The following ZDHHC20 variants were observed in gnomAD, a reference collection of about 807,000 sequenced individuals.
ZDHHC20 encodes the protein palmitoyltransferase ZDHHC20.
Under a neutral mutation model 57.8 loss-of-function variants are expected in ZDHHC20, and 43 were observed. The observed-to-expected ratio is 0.74, with a 90% CI of 0.58 to 0.96. The LOEUF is 0.96. Among genes scored for constraint, ZDHHC20 ranks in the 40% least tolerant of loss-of-function variants. ZDHHC20 has a pLI of 0.00. For synonymous variants in ZDHHC20, 157 were observed against 153.0 expected, an observed-to-expected ratio of 1.03 and a Z score of -0.19; for missense variants, 391 against 441.1, an observed-to-expected ratio of 0.89 and a Z score of 1.02.
At chr13:21,415,415 T>A (rs972189172) in intron 3 of ZDHHC20, among the ~76,000 whole-genome samples, 1 of 152,170 alleles carries the variant, frequency 6.6e-6, no homozygotes, top group Non-Finnish European at 1.5e-5. Context: ...CAAAGTGTGA[T>A]GGGACAAGAA....
intron 1 of ZDHHC20, among the ~76,000 whole-genome samples, chr13:21,428,527 T>C (rs1275946063): frequency 6.6e-6 from 1 of 151,698 alleles, no homozygotes; most frequent in Non-Finnish European, 1.5e-5. Context: ...GCCCAAACTA[T>C]GTTTTTTAAA....
At chr13:21,381,352 T>C (rs1164373720) in intron 11 of ZDHHC20, 82 bp downstream of exon 11, 1 of 1,103,744 alleles carries the variant, frequency 9.1e-7, no homozygotes, top group Non-Finnish European at 1.3e-6. Flanking sequence ...AATGTTACAT[T>C]ATTTTGATTT....
chr13:21,378,823 C>T (rs1872723065), intron 11 of ZDHHC20, 85 bp from the exon 12 acceptor site: 13 of 683,454 alleles, frequency 1.9e-5, no homozygotes, highest in Non-Finnish European at 2.6e-5. Flanking sequence ...AAAATGACAG[C>T]AAAAATGACT....
intron 1 of ZDHHC20, among the ~76,000 whole-genome samples, chr13:21,445,108 TTATA>T (rs1288147811): frequency 6.6e-6 from 1 of 151,218 alleles, no homozygotes; most frequent in Admixed American, 6.6e-5. Flanking sequence ...TTTTATATAT[TTATA>T]TATATATATG....
At chr13:21,449,232 AAAAT>A (rs1260749214) in intron 1 of ZDHHC20, among the ~76,000 whole-genome samples, 1 of 152,166 alleles carries the variant, frequency 6.6e-6, no homozygotes, top group African/African-American at 2.4e-5. Flanking sequence ...TAAATTAAAA[AAAAT>A]AAATAAATAA....
chr13:21,455,427 G>A (rs1268949041), intron 1 of ZDHHC20, among the ~76,000 whole-genome samples: 1 of 152,108 alleles, frequency 6.6e-6, no homozygotes, highest in African/African-American at 2.4e-5. Context: ...TGACCAAAGA[G>A]AAGAAGTTAT....
At chr13:21,435,190 T>C (rs1351415323) in intron 1 of ZDHHC20, among the ~76,000 whole-genome samples, 2 of 152,270 alleles carry the variant, frequency 1.3e-5, no homozygotes, top group African/African-American at 4.8e-5. Flanking sequence ...TTATGTGTCA[T>C]TTTCATTTTT....
intron 3 of ZDHHC20, among the ~76,000 whole-genome samples, chr13:21,418,646 G>C (rs1025302520): frequency 4.6e-5 from 7 of 152,130 alleles, no homozygotes; most frequent in African/African-American, 1.7e-4. Flanking sequence ...AACCTGAGCA[G>C]TTTTAGTCCA....
intron 5 of ZDHHC20, among the ~76,000 whole-genome samples, 165 bp downstream of exon 5, chr13:21,402,632 C>A (rs1006537797): frequency 6.6e-6 from 1 of 152,094 alleles, no homozygotes; most frequent in African/African-American, 2.4e-5. Flanking sequence ...GAGTATATTC[C>A]AGCTTTTATC....
intron 4 of ZDHHC20, among the ~76,000 whole-genome samples, chr13:21,404,568 T>C (rs1001470651): frequency 2.0e-5 from 3 of 151,934 alleles, no homozygotes; most frequent in African/African-American, 7.3e-5. Context: ...CTGGCTAACA[T>C]GGTGAAACCC....
intron 3 of ZDHHC20, among the ~76,000 whole-genome samples, chr13:21,419,832 T>C (rs977688952): frequency 6.6e-6 from 1 of 152,240 alleles, no homozygotes; most frequent in Admixed American, 6.5e-5. Context: ...TTTTTGTATA[T>C]ATGTTCTTCA....
rs1350198699 is a variant in ZDHHC20, at chr13:21,373,342, G to A, written c.*3354C>T. On this transcript the variant is annotated 3_prime_UTR_variant, in exon 13 of 13. Coordinates refer to ENST00000400590, the MANE Select transcript of ZDHHC20 (RefSeq NM_001330059.2). ...GATAATCCTTAATTTAAACCGTCCT[G>A]TAAACATAGTCAAAATCTGCTAATA... 5 of 152,132 alleles carry A rather than the reference G, an allele frequency of 3.3e-5. No homozygotes were observed. The highest frequency in any genetic ancestry group is 5.9e-5 in the Non-Finnish European group (4 of 68,006). 9.4% of individuals were successfully genotyped at this position (152,132 alleles called of 1,614,324 possible). A position where few individuals can be genotyped will look rare whatever the true frequency, so the allele number is the denominator to read the frequency against.
chr13:21,374,465 C>G lies in ZDHHC20; in HGVS notation c.*2231G>C, dbSNP rs1871718116. 2.2e-6 allele frequency: 1 copy of G among 454,882 alleles called. No homozygotes were observed. The highest frequency in any genetic ancestry group is 2.0e-5 in the African/African-American group (1 of 50,044). The allele number at this position is 454,882 out of a possible 1,614,324, so 28.2% of individuals were successfully genotyped here. A position where few individuals can be genotyped will look rare whatever the true frequency, so the allele number is the denominator to read the frequency against. On this transcript the variant is annotated 3_prime_UTR_variant, in exon 13 of 13. Transcript: ENST00000400590. ...GACCAGGCTAATCTCGAACCCCTGA[C>G]CTCAGGTGATCCGCCAGCCTTGGCC...
At chr13:21,423,657 G>C (rs992010295) in intron 2 of ZDHHC20, among the ~76,000 whole-genome samples, 1 of 151,278 alleles carries the variant, frequency 6.6e-6, no homozygotes, top group Non-Finnish European at 1.5e-5. Flanking sequence ...CTGAGCGACA[G>C]AGCGAGACTC....
intron 10 of ZDHHC20, among the ~76,000 whole-genome samples, chr13:21,382,553 G>C (rs1190698216): frequency 6.6e-6 from 1 of 152,108 alleles, no homozygotes; most frequent in Non-Finnish European, 1.5e-5. Context: ...ATGGTGATTA[G>C]TATAATGACT....
intron 3 of ZDHHC20, among the ~76,000 whole-genome samples, chr13:21,414,203 A>G (rs1311257928): frequency 4.0e-5 from 6 of 150,642 alleles, no homozygotes; most frequent in Admixed American, 4.0e-4. Flanking sequence ...ATTTCTAGCC[A>G]AATGTCTCAT....
At chr13:21,449,159 T>C (rs1040445026) in intron 1 of ZDHHC20, among the ~76,000 whole-genome samples, 5 of 147,098 alleles carry the variant, frequency 3.4e-5, no homozygotes, top group Non-Finnish European at 6.0e-5. Flanking sequence ...CCCTCCACTA[T>C]TGTCCCATGA....
At chr13:21,385,044 A>G (rs529384392) in intron 9 of ZDHHC20, among the ~76,000 whole-genome samples, 8 of 152,274 alleles carry the variant, frequency 5.3e-5, no homozygotes, top group Non-Finnish European at 2.9e-5. Context: ...ATGATTATAA[A>G]TGTACCTGTG....
intron 1 of ZDHHC20, among the ~76,000 whole-genome samples, chr13:21,447,608 C>T: frequency 2.1e-5 from 3 of 144,726 alleles, no homozygotes; most frequent in African/African-American, 7.5e-5. Context: ...GGCTGGAGTG[C>T]AGTGGCGTGG....
Sources: gnomAD v4.1 joint callset for allele counts (sites outside exome capture counted in the v4.1 genomes callset) on GRCh38, gnomAD v4.1.1 for gene constraint, MANE v1.5 for transcripts, NCBI Gene and HGNC (gene_info 2026-07-23, HGNC 2026-07-21) for gene names.